Variants in RNF212B observed in about 807,000 individuals in gnomAD.
RNF212B encodes E3 ubiquitin-protein ligase RNF212B.
A neutral mutation model predicts 55.5 loss-of-function variants in RNF212B; 52 were observed. The ratio of observed to expected loss-of-function variants is 0.94; its 90% CI spans 0.75 to 1.18. The LOEUF (loss-of-function observed/expected upper bound fraction) is 1.18. Among genes scored for constraint, RNF212B ranks in the 50% most tolerant of loss-of-function variants. The pLI is 0.00. For missense variants in RNF212B, 289 were observed against 350.4 expected, an observed-to-expected ratio of 0.82 and a Z score of 1.40; for synonymous variants, 99 against 121.4, an observed-to-expected ratio of 0.82 and a Z score of 1.21.
At chr14:23,238,252 G>A (rs745604555) in intron 1 of RNF212B, among the ~76,000 whole-genome samples, 197 bp downstream of exon 1, 2 of 142,934 alleles carry the variant, frequency 1.4e-5, no homozygotes, top group African/African-American at 3.0e-5. Flanking sequence ...TATAGAACGG[G>A]GCCTTTTCAG....
chr14:23,196,818 A>G (rs895747853), intron 2 of RNF212B, among the ~76,000 whole-genome samples: 2 of 152,156 alleles, frequency 1.3e-5, no homozygotes, highest in Non-Finnish European at 2.9e-5. Flanking sequence ...GTTCACTGCT[A>G]TTCATCCTTC....
intron 2 of RNF212B, among the ~76,000 whole-genome samples, chr14:23,203,233 G>A (rs1036967531): frequency 2.6e-5 from 4 of 151,800 alleles, no homozygotes; most frequent in Non-Finnish European, 5.9e-5. Flanking sequence ...GAGAACATAT[G>A]ATGTTTGGTT....
At chr14:23,225,277 C>A (rs1881908042) in intron 2 of RNF212B, among the ~76,000 whole-genome samples, 1 of 152,112 alleles carries the variant, frequency 6.6e-6, no homozygotes, top group Admixed American at 6.6e-5. Flanking sequence ...AATAGAGCTA[C>A]CACATGATCC....
At chr14:23,198,559 C>T (rs1404216182) in intron 2 of RNF212B, among the ~76,000 whole-genome samples, 3 of 151,890 alleles carry the variant, frequency 2.0e-5, no homozygotes, top group Non-Finnish European at 4.4e-5. Flanking sequence ...ACCTGTAATC[C>T]CAGCCACTAG....
intron 2 of RNF212B, among the ~76,000 whole-genome samples, chr14:23,205,338 G>C (rs1399609102): frequency 2.2e-5 from 3 of 139,410 alleles, no homozygotes; most frequent in Non-Finnish European, 4.6e-5. Flanking sequence ...AAGCAAGAAT[G>C]TTTTCCTACA....
In RNF212B at chr14:23,186,703, G is replaced by A. The variant is rs1877635748; in HGVS notation, c.-79+1213G>A. Among the ~76,000 whole-genome samples the A allele has an allele frequency of 3.9e-5, 6 of 152,094 alleles. No homozygotes were observed. In the South Asian group the frequency reaches 1.2e-3, roughly 32 times the overall value. On this transcript the variant is annotated intron_variant, in intron 1 of 15. Coordinates refer to the RNF212B transcript ENST00000399910. ...CTTTATAGCCCACAAATGGTTTTCT[G>A]AACAATATCTCAATTTTTTTCCTCC... is the stretch of plus-strand genomic sequence containing the variant.
intron 2 of RNF212B, among the ~76,000 whole-genome samples, chr14:23,212,866 ATTTAC>A (rs1274421583): frequency 6.6e-6 from 1 of 151,958 alleles, no homozygotes; most frequent in Admixed American, 6.6e-5. Context: ...TTCTAAAATT[ATTTAC>A]TTTATTTCTT....
chr14:23,254,159 C>T (rs897608030), intron 4 of RNF212B, among the ~76,000 whole-genome samples: 1 of 151,858 alleles, frequency 6.6e-6, no homozygotes, highest in Non-Finnish European at 1.5e-5. Flanking sequence ...GTGGCATGCA[C>T]CTGTTGTCCC....
chr14:23,227,301 C>T (rs1882123493), intron 2 of RNF212B, among the ~76,000 whole-genome samples: 1 of 151,744 alleles, frequency 6.6e-6, no homozygotes, highest in East Asian at 1.9e-4. Context: ...GCTCAAAGAA[C>T]CTTCTCTCTG....
chr14:23,266,470 G>C (rs1035834557), intron 11 of RNF212B, among the ~76,000 whole-genome samples: 2 of 133,908 alleles, frequency 1.5e-5, no homozygotes, highest in Non-Finnish European at 3.1e-5. Flanking sequence ...GGAGTGCAGT[G>C]GTGCAATCTC....
chr14:23,261,601 CA>C (rs1316966298), intron 7 of RNF212B, among the ~76,000 whole-genome samples: 7 of 152,154 alleles, frequency 4.6e-5, no homozygotes, highest in African/African-American at 1.7e-4. Context: ...TACCATGTTA[CA>C]GGCTGGATAT....
chr14:23,249,972 T>C (rs1445257099), intron 4 of RNF212B, among the ~76,000 whole-genome samples: 1 of 152,190 alleles, frequency 6.6e-6, no homozygotes, highest in Non-Finnish European at 1.5e-5. Flanking sequence ...TTCAGACTGC[T>C]CAGAGTGATA....
At chr14:23,236,053 C>G (rs534487485), upstream of RNF212B, among the ~76,000 whole-genome samples, 6 of 152,290 alleles carry the variant, frequency 3.9e-5, no homozygotes, top group South Asian at 1.2e-3. Flanking sequence ...GTTCTTCACA[C>G]ACTCCAACCA....
upstream of RNF212B, among the ~76,000 whole-genome samples, chr14:23,236,588 G>A (rs1883119038): frequency 6.6e-6 from 1 of 151,742 alleles, no homozygotes. Context: ...ACATTTAATG[G>A]GGTTTATTAT....
intron 2 of RNF212B, among the ~76,000 whole-genome samples, chr14:23,227,150 G>T (rs1180558620): frequency 6.6e-6 from 1 of 151,622 alleles, no homozygotes; most frequent in South Asian, 2.1e-4. Context: ...ATGAGTCAAG[G>T]GTATATGGAA....
intron 2 of RNF212B, among the ~76,000 whole-genome samples, chr14:23,216,238 T>G (rs1594889384): frequency 6.6e-6 from 1 of 152,050 alleles, no homozygotes; most frequent in African/African-American, 2.4e-5. Flanking sequence ...AGAGCGAGAC[T>G]CCATTTCAAA....
intron 10 of RNF212B, among the ~76,000 whole-genome samples, 156 bp from the exon 11 acceptor site, chr14:23,264,467 T>C (rs1885529688): frequency 6.6e-6 from 1 of 152,196 alleles, no homozygotes; most frequent in Non-Finnish European, 1.5e-5. Flanking sequence ...ATGGTGTTCA[T>C]TTTGGAAGGA....
rs1269775254 is a variant in RNF212B, at chr14:23,208,812, GCAATGGCGCGATCTCAGGT to G, written c.-2+15414_-2+15432del. Among the ~76,000 whole-genome samples, 276 of 142,572 alleles carry G rather than the reference GCAATGGCGCGATCTCAGGT, an allele frequency of 1.9e-3. 9 individuals are homozygous for G. In the South Asian group the frequency reaches 0.058, roughly 30 times the overall value. The allele number at this position is 142,572 out of a possible 152,430, so 93.5% of individuals were successfully genotyped here. A position where few individuals can be genotyped will look rare whatever the true frequency, so the allele number is the denominator to read the frequency against. On this transcript the variant is annotated intron_variant, in intron 2 of 15. Coordinates refer to the RNF212B transcript ENST00000399910. ...CTCACTCTGTCGCCCAGGCTGGAGT[GCAATGGCGCGATCTCAGGT>G]CACTGCAAGCTCTGCCTCCCAGGTT...
chr14:23,216,875 G>A (rs1881121695), intron 2 of RNF212B, among the ~76,000 whole-genome samples: 1 of 21,866 alleles, frequency 4.6e-5, no homozygotes, highest in Admixed American at 9.4e-4. Context: ...ATGTGACCCT[G>A]TCTCAAAAAA....
Sources: gnomAD v4.1 joint callset for allele counts (sites outside exome capture counted in the v4.1 genomes callset) on GRCh38, gnomAD v4.1.1 for gene constraint, MANE v1.5 for transcripts, NCBI Gene and HGNC (gene_info 2026-07-23, HGNC 2026-07-21) for gene names.